RBL1: variants seen among roughly 807,000 people sequenced by gnomAD.
RBL1 encodes RB transcriptional corepressor like 1.
In RBL1, 82 loss-of-function variants were observed where a neutral mutation model predicts 123.0. The observed-to-expected ratio is 0.67, with a 90% CI of 0.56 to 0.80. The LOEUF (loss-of-function observed/expected upper bound fraction) is 0.80, where lower values mean the gene tolerates loss of function less well. Ranked by LOEUF, RBL1 falls within the 30% of genes least tolerant of loss-of-function variation. RBL1 has a pLI of 0.00. For synonymous variants in RBL1, 405 were observed against 441.3 expected (o/e 0.92, Z 1.03); for missense variants, 1,171 against 1,299.6 (o/e 0.90, Z 1.52).
chr20:37,040,120 A>C, intron 14 of RBL1, 33 bp downstream of exon 14: 1 of 1,605,150 alleles, frequency 6.2e-7, no homozygotes, highest in Middle Eastern at 1.7e-4. Context: ...GCCCTTTGTT[A>C]CTTTTTCATT....
intron 2 of RBL1, among the ~76,000 whole-genome samples, chr20:37,081,067 G>A (rs1485522278): frequency 1.3e-5 from 2 of 152,142 alleles, no homozygotes; most frequent in African/African-American, 2.4e-5. Flanking sequence ...CAAGGTCAGG[G>A]ACCTTGTTAG....
chr20:37,027,198 T>A (rs1022636859), intron 16 of RBL1, among the ~76,000 whole-genome samples: 18 of 145,132 alleles, frequency 1.2e-4, no homozygotes, highest in Non-Finnish European at 6.1e-5. Context: ...AAAAAAAAAA[T>A]TTAGCTGGGT....
rs760930215 is a variant in RBL1 at position 37,018,387 on chromosome 20, A to G, written c.2632-18T>C. The G allele has an allele frequency of 4.4e-6, 7 of 1,592,960 alleles. No homozygotes were observed. The highest frequency in any genetic ancestry group is 4.1e-5 in the African/African-American group (3 of 73,844). On this transcript the variant is annotated intron_variant, in intron 18 of 21. Transcript: ENST00000373664. ...CTATATACCTACATGCCAGAGGGGA[A>G]GAAAAGGACAGCTCAGTCACAGAGG...
At chr20:37,070,484 A>T (rs114514960) in intron 2 of RBL1, among the ~76,000 whole-genome samples, 7,878 of 144,550 alleles carry the variant, frequency 0.055, 623 homozygotes, top group African/African-American at 0.19. Flanking sequence ...AAATAAATTT[A>T]AAAAAAAAAA....
intron 16 of RBL1, among the ~76,000 whole-genome samples, chr20:37,030,167 C>T (rs1187488415): frequency 6.6e-6 from 1 of 152,210 alleles, no homozygotes; most frequent in Non-Finnish European, 1.5e-5. Flanking sequence ...GGAGGTCTCA[C>T]ACCTCCTGAT....
At chr20:37,069,856 GC>G (rs1039325856) in intron 2 of RBL1, among the ~76,000 whole-genome samples, 2 of 150,360 alleles carry the variant, frequency 1.3e-5, no homozygotes, top group East Asian at 2.0e-4. Flanking sequence ...GGGGGGGTCA[GC>G]CCCCCGCCCG....
In RBL1 at chr20:37,066,835, T is replaced by A; in HGVS notation, c.735A>T (p.Pro245=). ...HTADFTASEE[P]PCIIAVLCEL... is the part of the protein sequence containing the mutation. ...CACACAGTACAGCAATGATGCAGGG[T>A]GGCTCTTCAGAAGCCGTAAAGTCAG... Residue 245 remains proline, a synonymous_variant, in exon 6 of 22, where the codon CCA becomes CCT. Coordinates refer to ENST00000373664, the MANE Select transcript of RBL1 (RefSeq NM_002895.5). 1 of 1,613,650 alleles carries A rather than the reference T, an allele frequency of 6.2e-7. No individual in the cohort carries two copies. Among genetic ancestry groups the A allele is most frequent in the Non-Finnish European group, 8.5e-7 (1 of 1,179,770 alleles).
chr20:37,064,139 C>CT (rs1037547663), intron 7 of RBL1, among the ~76,000 whole-genome samples: 3,504 of 131,826 alleles, frequency 0.027, 73 homozygotes, highest in Middle Eastern at 0.054. Flanking sequence ...TCTTTTCTTT[C>CT]TTTTTTTTTT....
intron 11 of RBL1, among the ~76,000 whole-genome samples, chr20:37,052,420 C>T (rs2064931823): frequency 6.6e-6 from 1 of 151,458 alleles, no homozygotes; most frequent in South Asian, 2.1e-4. Flanking sequence ...CAACCTCTTC[C>T]TCCCGGGCTC....
At chr20:37,041,038 C>T (rs2064714531) in intron 13 of RBL1, among the ~76,000 whole-genome samples, 1 of 152,156 alleles carries the variant, frequency 6.6e-6, no homozygotes, top group African/African-American at 2.4e-5. Context: ...CAATAAGTTA[C>T]TGTCTGCTGC....
At position 37,035,458 on chromosome 20, in the gene RBL1, TAGG is replaced by T. The variant is rs1225751419; in HGVS notation, c.1951_1953del (p.Pro651del). ...AGTCTTCTCTTAGCACTCCCTGCGG[TAGG>T]AGAACTGTAGCGTTCATGGACAGAA... On this transcript the variant is annotated inframe_deletion, in exon 15 of 22. Coordinates refer to ENST00000373664, the MANE Select transcript of RBL1 (RefSeq NM_002895.5). 6 of 1,613,202 alleles carry T rather than the reference TAGG, an allele frequency of 3.7e-6. No individual in the cohort carries two copies. The highest frequency in any genetic ancestry group is 1.7e-5 in the Admixed American group (1 of 59,948).
intron 1 of RBL1, among the ~76,000 whole-genome samples, chr20:37,093,316 C>T (rs923232508): frequency 1.3e-5 from 2 of 148,772 alleles, no homozygotes; most frequent in Non-Finnish European, 2.9e-5. Context: ...AGAATAAACA[C>T]AAAATTTCAG....
intron 21 of RBL1, among the ~76,000 whole-genome samples, chr20:37,000,978 A>T (rs1485548836): frequency 4.8e-4 from 49 of 102,404 alleles, no homozygotes; most frequent in Middle Eastern, 8.3e-3. Context: ...TACTGGGAAG[A>T]GAGGAGCCCC....
At chr20:37,001,918 TAAAAAAAAAAAA>T (rs757774894) in intron 21 of RBL1, among the ~76,000 whole-genome samples, 3 of 86,544 alleles carry the variant, frequency 3.5e-5, no homozygotes, top group African/African-American at 8.8e-5. Context: ...TGCAGAACAA[TAAAAAAAAAAAA>T]AAAAAAAAAA....
chr20:37,091,714 C>T (rs966298942), intron 1 of RBL1, among the ~76,000 whole-genome samples: 2 of 148,814 alleles, frequency 1.3e-5, no homozygotes, highest in African/African-American at 2.5e-5. Flanking sequence ...TAGCACAACA[C>T]AATAGTGTTC....
chr20:37,067,206 G>A (rs1305878312), intron 4 of RBL1, 27 bp downstream of exon 4: 24 of 1,581,432 alleles, frequency 1.5e-5, no homozygotes, highest in Non-Finnish European at 2.0e-5. Context: ...GAGTAGAAAT[G>A]TAAGACCACT....
intron 9 of RBL1, among the ~76,000 whole-genome samples, chr20:37,059,437 C>T (rs1319514316): frequency 6.6e-6 from 1 of 152,170 alleles, no homozygotes; most frequent in Non-Finnish European, 1.5e-5. Context: ...AGGATCTCTC[C>T]CCAAATCATC....
chr20:37,062,824 G>A (rs932014012), intron 7 of RBL1, among the ~76,000 whole-genome samples: 6 of 149,044 alleles, frequency 4.0e-5, no homozygotes, highest in South Asian at 2.1e-4. Flanking sequence ...GCGTGGTGGC[G>A]GGCGCCTGTA....
intron 2 of RBL1, among the ~76,000 whole-genome samples, chr20:37,079,180 A>G (rs2065409885): frequency 6.7e-6 from 1 of 149,046 alleles, no homozygotes; most frequent in Non-Finnish European, 1.5e-5. Flanking sequence ...AGCTGATGCC[A>G]CAGAGTAAGA....
Sources: gnomAD v4.1 joint callset for allele counts (sites outside exome capture counted in the v4.1 genomes callset) on GRCh38, gnomAD v4.1.1 for gene constraint, MANE v1.5 for transcripts, NCBI Gene and HGNC (gene_info 2026-07-23, HGNC 2026-07-21) for gene names.